Variants in PITPNM3 observed in about 807,000 individuals in gnomAD.
The protein encoded by PITPNM3 is membrane-associated phosphatidylinositol transfer protein 3.
Under a neutral mutation model 102.0 loss-of-function variants are expected in PITPNM3, and 26 were observed. The ratio of observed to expected loss-of-function variants is 0.25; its 90% confidence interval spans 0.19 to 0.35. PITPNM3 has a LOEUF of 0.35. PITPNM3 is among the 10% of genes least tolerant of loss of function. The pLI is 1.00. For missense variants in PITPNM3, 1,083 were observed against 1,346.1 expected (o/e 0.80, Z 3.06); for synonymous variants, 578 against 558.6 (o/e 1.03, Z -0.49).
Position 6,464,215 on chromosome 17 carries a change from G to A in PITPNM3, c.2111C>T (p.Pro704Leu), listed in dbSNP as rs778113697. Residue 704 changes from proline (P) to leucine (L), a missense_variant, in exon 16 of 20, where the codon CCC (proline) becomes CTC (leucine). Around this residue, in one of 5 missense-constraint regions of PITPNM3, gnomAD observed 410 missense variants for 638.4 expected, o/e 0.64. Coordinates refer to ENST00000262483, the MANE Select transcript of PITPNM3 (RefSeq NM_031220.4). The stretch of plus-strand genomic sequence containing the variant: ...ATAGACACCAACCCCCAGGCGCCGG[G>A]GCCGCGGCACATTGTATGTGATGCG... ...SGRITYNVPR[P>L]RRLGVGVYPV... 1 of 1,614,158 alleles carries A rather than the reference G, an allele frequency of 6.2e-7. No individual in the cohort carries two copies. Among genetic ancestry groups the A allele is most frequent in the Non-Finnish European group, 8.5e-7 (1 of 1,180,018 alleles).
intron 1 of PITPNM3, among the ~76,000 whole-genome samples, chr17:6,541,286 A>T (rs936455983): frequency 4.1e-5 from 6 of 145,592 alleles, no homozygotes; most frequent in Non-Finnish European, 6.0e-5. Flanking sequence ...ATATGCTAAG[A>T]GTGTGTGTGT....
intron 1 of PITPNM3, among the ~76,000 whole-genome samples, chr17:6,547,225 G>A (rs1035061746): frequency 2.0e-5 from 3 of 152,062 alleles, no homozygotes; most frequent in African/African-American, 7.2e-5. Flanking sequence ...CTCCAAGCAG[G>A]GCACAGTTGG....
intron 4 of PITPNM3, among the ~76,000 whole-genome samples, chr17:6,489,588 C>T (rs906739539): frequency 1.3e-5 from 2 of 152,116 alleles, no homozygotes; most frequent in Non-Finnish European, 2.9e-5. Flanking sequence ...AATGCCTCCA[C>T]CCCTCAGCCC....
In PITPNM3 at chr17:6,537,934, G is replaced by A. The variant is rs1909529966; in HGVS notation, c.118+53C>T. The A allele has an allele frequency of 2.7e-6, 4 of 1,475,886 alleles. No homozygotes were observed. Among genetic ancestry groups the A allele is most frequent in the Non-Finnish European group, 3.8e-6 (4 of 1,058,614 alleles). 91.4% of individuals were successfully genotyped at this position (1,475,886 alleles called of 1,614,324 possible). A position where few individuals can be genotyped will look rare whatever the true frequency, so the allele number is the denominator to read the frequency against. ...GACCCCCAAATGGGATCTTCTTCTT[G>A]AGGCTTCTAGGAAGGTCACCCAGCC... On this transcript the variant is annotated intron_variant, in intron 2 of 19. Transcript: ENST00000262483. This position sits in a 1 kb window ranked among gnomAD's most constrained non-coding sequence, Gnocchi z 4.4.
chr17:6,534,301 T>C (rs960685604), intron 2 of PITPNM3, among the ~76,000 whole-genome samples: 47 of 152,190 alleles, frequency 3.1e-4, no homozygotes, highest in African/African-American at 1.0e-3. Context: ...GCTGGCACCC[T>C]GCCGAGGAGT....
rs189172906 is a variant in PITPNM3 at position 6,556,167 on chromosome 17, G to A, written c.22+218C>T. On this transcript the variant is annotated intron_variant, in intron 1 of 19. Transcript: ENST00000262483. The surrounding 1 kb of genome is among the most constrained non-coding windows in gnomAD (Gnocchi z 5.2). ...CCGGCGGGGCCGTGGAGAAGGGGAC[G>A]CGGTGTCCCCCGAGGTGACCGGGGG... Among the ~76,000 whole-genome samples the A allele has an allele frequency of 3.1e-3, 466 of 152,004 alleles. No homozygotes were observed. The highest frequency in any genetic ancestry group is 4.2e-3 in the Non-Finnish European group (283 of 67,866).
At position 6,530,073 on chromosome 17, in the gene PITPNM3, C is replaced by A. The variant is rs116199775; in HGVS notation, c.119-4610G>T. Among the ~76,000 whole-genome samples the A allele has an allele frequency of 6.0e-3, 920 of 152,350 alleles. 5 individuals are homozygous for A. Among genetic ancestry groups the A allele is most frequent in the African/African-American group, 0.021 (863 of 41,580 alleles). ...TCCCTCCAGGAGACAAACAGTTCTA[C>A]CCTTGCCATTCTACAGATGAGGAAC... On this transcript the variant is annotated intron_variant, in intron 2 of 19. Transcript: ENST00000262483.
At chr17:6,465,809 C>T (rs1597363770) in intron 14 of PITPNM3, among the ~76,000 whole-genome samples, 1 of 152,226 alleles carries the variant, frequency 6.6e-6, no homozygotes, top group Admixed American at 6.5e-5. Flanking sequence ...CCCAGCCTGG[C>T]CTCCAAGACC....
At chr17:6,551,054 G>A (rs1910275170) in intron 1 of PITPNM3, among the ~76,000 whole-genome samples, 1 of 152,210 alleles carries the variant, frequency 6.6e-6, no homozygotes, top group Non-Finnish European at 1.5e-5. Flanking sequence ...CTGCGGGAAA[G>A]CTTTTGAAAA....
intron 3 of PITPNM3, among the ~76,000 whole-genome samples, chr17:6,504,842 C>A (rs1478242662): frequency 6.6e-6 from 1 of 152,140 alleles, no homozygotes; most frequent in Non-Finnish European, 1.5e-5. Flanking sequence ...AGTACTGGTA[C>A]TTGCCTCGGA....
intron 5 of PITPNM3, 52 bp from the exon 6 acceptor site, chr17:6,483,804 G>A (rs941229329): frequency 6.6e-6 from 10 of 1,507,364 alleles, no homozygotes; most frequent in East Asian, 2.3e-5. Flanking sequence ...GGGGTCGGGG[G>A]AGGCACACAG....
chr17:6,478,269 G>A lies in PITPNM3; in HGVS notation c.778-172C>T, dbSNP rs973224442. 3.9e-5 allele frequency among the ~76,000 whole-genome samples: 6 copies of A among 152,250 alleles called. No homozygotes were observed. Among genetic ancestry groups the A allele is most frequent in the African/African-American group, 9.6e-5 (4 of 41,466 alleles). ...CAAACTGGGGAGGGTCAGGGTTGGC[G>A]TTGGCCCAGGCCAGCCCAAGGACGG... is the stretch of plus-strand genomic sequence containing the variant. On this transcript the variant is annotated intron_variant, in intron 7 of 19. Transcript: ENST00000262483. This position sits in a 1 kb window ranked among gnomAD's most constrained non-coding sequence, Gnocchi z 4.4.
In PITPNM3 at chr17:6,469,268, C is replaced by G. The variant is rs963956975; in HGVS notation, c.1774-927G>C. Among the ~76,000 whole-genome samples, 3 of 152,210 alleles carry G rather than the reference C, an allele frequency of 2.0e-5. No homozygotes were observed. Among genetic ancestry groups the G allele is most frequent in the African/African-American group, 7.2e-5 (3 of 41,454 alleles). On this transcript the variant is annotated intron_variant, in intron 13 of 19. Coordinates refer to ENST00000262483, the MANE Select transcript of PITPNM3 (RefSeq NM_031220.4). This position sits in a 1 kb window ranked among gnomAD's most constrained non-coding sequence, Gnocchi z 4.0. Reference sequence around the variant, plus strand: ...AGTTCCAGACTCCTCTACTCCCCTTCCGTCCCAGCAACTAAGAGGCAGCTC... The same window carrying G: ...AGTTCCAGACTCCTCTACTCCCCTTGCGTCCCAGCAACTAAGAGGCAGCTC...
At chr17:6,502,494 C>G (rs900525761) in intron 4 of PITPNM3, among the ~76,000 whole-genome samples, 2 of 152,120 alleles carry the variant, frequency 1.3e-5, no homozygotes, top group African/African-American at 4.8e-5. Context: ...GCAGGGGATG[C>G]CTGTGCAGCC....
At chr17:6,551,934 CA>C (rs1363218215) in intron 1 of PITPNM3, among the ~76,000 whole-genome samples, 3 of 152,084 alleles carry the variant, frequency 2.0e-5, no homozygotes, top group Admixed American at 6.5e-5. Flanking sequence ...GAGCAAGGTC[CA>C]AACTCTGGAA....
At chr17:6,482,223 A>G (rs1321972873) in intron 6 of PITPNM3, among the ~76,000 whole-genome samples, 1 of 151,984 alleles carries the variant, frequency 6.6e-6, no homozygotes, top group Non-Finnish European at 1.5e-5. Flanking sequence ...AGAGGCCAAG[A>G]AGAATCTGAG....
intron 6 of PITPNM3, chr17:6,479,012 C>CCTG: frequency 6.0e-6 from 3 of 500,128 alleles, no homozygotes; most frequent in Non-Finnish European, 1.1e-5. Context: ...CTCTATTGCC[C>CCTG]TCTTCTGCAT....
chr17:6,491,902 G>A (rs1173408667), intron 4 of PITPNM3, among the ~76,000 whole-genome samples: 1 of 128,274 alleles, frequency 7.8e-6, no homozygotes, highest in Non-Finnish European at 1.6e-5. Flanking sequence ...GGGGCTAGGC[G>A]CCATGGCTCA....
intron 4 of PITPNM3, among the ~76,000 whole-genome samples, chr17:6,490,546 G>A (rs148115477): frequency 2.2e-4 from 34 of 152,290 alleles, no homozygotes; most frequent in African/African-American, 8.2e-4. Context: ...AAAGCTGCAG[G>A]CGGCAAATTT....
Sources: gnomAD v4.1 joint callset for allele counts (sites outside exome capture counted in the v4.1 genomes callset) on GRCh38, gnomAD v4.1.1 for gene constraint, gnomAD v4.1.1 regional missense constraint, Gnocchi (gnomAD v3.1) non-coding constraint, MANE v1.5 for transcripts, NCBI Gene and HGNC (gene_info 2026-07-23, HGNC 2026-07-21) for gene names.